Variants in ALLC observed in about 807,000 individuals in gnomAD.
ALLC encodes allantoicase.
A neutral mutation model predicts 45.0 loss-of-function variants in ALLC; 40 were observed. The ratio of observed to expected loss-of-function variants is 0.89; its 90% CI spans 0.69 to 1.16. The LOEUF is 1.16. Among genes scored for constraint, ALLC ranks in the 50% most tolerant of loss-of-function variants. The pLI is 0.00. For missense variants in ALLC, 488 were observed against 493.1 expected (o/e 0.99, Z 0.10); for synonymous variants, 176 against 178.1 (o/e 0.99, Z 0.09).
chr2:3,663,883 T>A (rs1666633635), intron 1 of ALLC, among the ~76,000 whole-genome samples: 1 of 152,272 alleles, frequency 6.6e-6, no homozygotes. Context: ...TCTTCTGTTC[T>A]GTTCAGTATA....
At chr2:3,651,677 T>C in the ALLC span, among the ~76,000 whole-genome samples, 1 of 151,868 alleles carries the variant, frequency 6.6e-6, no homozygotes, top group Non-Finnish European at 1.5e-5. Flanking sequence ...AAAGACGAAC[T>C]CTGGATGGAG....
At chr2:3,656,648 A>AG (rs1666445757), upstream of ALLC, among the ~76,000 whole-genome samples, 1 of 152,264 alleles carries the variant, frequency 6.6e-6, no homozygotes, top group South Asian at 2.1e-4. Flanking sequence ...CAGCAGCCCC[A>AG]GCATCGCCCT....
At chr2:3,698,663 T>A (rs982776799) in intron 10 of ALLC, among the ~76,000 whole-genome samples, 17 of 152,240 alleles carry the variant, frequency 1.1e-4, no homozygotes, top group African/African-American at 4.1e-4. Flanking sequence ...TTATGTGACA[T>A]TTTATAAATA....
At chr2:3,675,387 C>CAAA (rs11379495) in intron 3 of ALLC, among the ~76,000 whole-genome samples, 13 of 109,682 alleles carry the variant, frequency 1.2e-4, no homozygotes, top group African/African-American at 3.8e-4. Flanking sequence ...AAGACCCTGT[C>CAAA]AAAAAAAAAA....
intron 1 of ALLC, among the ~76,000 whole-genome samples, chr2:3,666,260 G>A (rs1666722618): frequency 6.6e-6 from 1 of 152,244 alleles, no homozygotes. Flanking sequence ...GGGGCATAGT[G>A]AGCTTGCTGG....
intron 1 of ALLC, among the ~76,000 whole-genome samples, chr2:3,663,557 C>T (rs1244498731): frequency 6.6e-6 from 1 of 151,276 alleles, no homozygotes; most frequent in Non-Finnish European, 1.5e-5. Flanking sequence ...GCACATCCTG[C>T]ACATGTACCC....
chr2:3,682,835 A>G (rs1667229704), intron 6 of ALLC, 107 bp from the exon 7 acceptor site: 2 of 1,258,938 alleles, frequency 1.6e-6, no homozygotes, highest in Non-Finnish European at 2.2e-6. Flanking sequence ...TCCATCATTA[A>G]TTTTTATTCC....
At chr2:3,692,164 T>C (rs1462973502) in intron 7 of ALLC, among the ~76,000 whole-genome samples, 4 of 152,234 alleles carry the variant, frequency 2.6e-5, no homozygotes, top group African/African-American at 9.6e-5. Flanking sequence ...TTGTTTCTTA[T>C]GGGTATACAT....
intron 2 of ALLC, among the ~76,000 whole-genome samples, chr2:3,671,759 C>A (rs868480589): frequency 1.5e-4 from 12 of 79,428 alleles, no homozygotes; most frequent in South Asian, 3.9e-4. Context: ...CTGGTTAGAT[C>A]GGAGGTCCTC....
At chr2:3,695,959 G>A in intron 8 of ALLC, 87 bp downstream of exon 8, 2 of 1,352,310 alleles carry the variant, frequency 1.5e-6, no homozygotes, top group Non-Finnish European at 2.0e-6. Context: ...GATTTAAAAG[G>A]AAAGGCACAT....
intron 8 of ALLC, 63 bp from the exon 9 acceptor site, chr2:3,696,212 A>C: frequency 7.7e-7 from 1 of 1,303,310 alleles, no homozygotes. Context: ...TAATTACAGC[A>C]ATGTATTCAT....
upstream of ALLC, among the ~76,000 whole-genome samples, chr2:3,654,187 A>G (rs1378996367): frequency 6.6e-6 from 1 of 152,230 alleles, no homozygotes. Flanking sequence ...GGGCTGCTGC[A>G]TGACCCTATG....
At chr2:3,693,139 G>T (rs973454735) in intron 7 of ALLC, among the ~76,000 whole-genome samples, 1 of 152,178 alleles carries the variant, frequency 6.6e-6, no homozygotes, top group Non-Finnish European at 1.5e-5. Context: ...TTCTTGAATA[G>T]ATGTTGCTGA....
rs1022317275 is a variant in ALLC, at chr2:3,670,644, G to A, written c.-62-452G>A. Among the ~76,000 whole-genome samples, 3 of 152,188 alleles carry A rather than the reference G, an allele frequency of 2.0e-5. No individual in the cohort carries two copies. In the South Asian group the frequency reaches 6.2e-4, roughly 31 times the overall value. On this transcript the variant is annotated intron_variant, in intron 1 of 11. Transcript: ENST00000252505. ...AGTGGACGTCTGTTCCCGTGTGGGG[G>A]TGTTCTTGTGGGCGGGTGGGCTCTG...
chr2:3,660,846 T>C (rs1485880354), intron 1 of ALLC, among the ~76,000 whole-genome samples: 1 of 150,098 alleles, frequency 6.7e-6, no homozygotes, highest in Non-Finnish European at 1.5e-5. Context: ...GTGGAGCAGG[T>C]GATCGGAATG....
At chr2:3,684,435 A>T (rs920574213) in intron 7 of ALLC, among the ~76,000 whole-genome samples, 1 of 152,194 alleles carries the variant, frequency 6.6e-6, no homozygotes, top group Non-Finnish European at 1.5e-5. Context: ...TTAAATTTCA[A>T]CAGGTTTTTG....
At chr2:3,651,425 G>GCA in the ALLC span, among the ~76,000 whole-genome samples, 7 of 58,442 alleles carry the variant, frequency 1.2e-4, no homozygotes, top group South Asian at 8.3e-4. Flanking sequence ...GTGTGTGTGT[G>GCA]TGTGTGTGTG....
intron 3 of ALLC, among the ~76,000 whole-genome samples, chr2:3,677,719 C>T (rs1380807302): frequency 2.6e-5 from 4 of 152,176 alleles, no homozygotes; most frequent in Non-Finnish European, 5.9e-5. Context: ...CCCTGCCGCC[C>T]TGGGTCCTGC....
rs1194057004 is a variant in ALLC at position 3,697,353 on chromosome 2, T to A, written c.747T>A (p.Asp249Glu). Reference protein sequence around the residue: ...RLDRPPILENDENGILLVPGC... With the variant: ...RLDRPPILENEENGILLVPGC... ...TCTTCTCTTCTGAATTCCAGAATGA[T>A]GAGAATGGCATTCTCTTGGTTCCGG... is the stretch of plus-strand genomic sequence containing the variant. The change falls in exon 10 of 12, where the codon GAT becomes GAA. Residue 249 changes from aspartate to glutamate, a missense_variant. By Grantham distance (45) the Asp-to-Glu change is conservative (BLOSUM62 2). Transcript: ENST00000252505. 2.5e-6 allele frequency: 4 copies of A among 1,613,146 alleles called. No individual in the cohort carries two copies. The highest frequency in any genetic ancestry group is 3.4e-6 in the Non-Finnish European group (4 of 1,179,226).
Sources: gnomAD v4.1 joint callset for allele counts (sites outside exome capture counted in the v4.1 genomes callset) on GRCh38, gnomAD v4.1.1 for gene constraint, MANE v1.5 for transcripts, NCBI Gene and HGNC (gene_info 2026-07-23, HGNC 2026-07-21) for gene names.